Variants in DAB1 observed in about 807,000 individuals in gnomAD.
DAB1 encodes DAB adaptor protein 1.
In DAB1, 15 loss-of-function variants were observed where a neutral mutation model predicts 64.6. The observed-to-expected ratio is 0.23, with a 90% confidence interval of 0.16 to 0.36. The LOEUF is 0.36. Ranked by LOEUF, DAB1 falls within the 10% of genes least tolerant of loss-of-function variation. DAB1 has a pLI of 1.00. For missense variants in DAB1, 596 were observed against 706.7 expected (o/e 0.84, Z 1.78); for synonymous variants, 235 against 251.9 (o/e 0.93, Z 0.64).
At chr1:57,821,097 G>A (rs1652096939), downstream of DAB1, among the ~76,000 whole-genome samples, 1 of 152,004 alleles carries the variant, frequency 6.6e-6, no homozygotes, top group Non-Finnish European at 1.5e-5. Context: ...AGCATTTCTG[G>A]ACAGCTGTTT....
intron 5 of DAB1, among the ~76,000 whole-genome samples, chr1:58,098,762 G>T (rs111530761): frequency 6.6e-6 from 1 of 152,192 alleles, no homozygotes; most frequent in African/African-American, 2.4e-5. Flanking sequence ...GTGAAGCCCC[G>T]GAGAAGGTGG....
chr1:57,331,144 AT>A (rs1234783725), intron 1 of DAB1, among the ~76,000 whole-genome samples: 4 of 151,954 alleles, frequency 2.6e-5, no homozygotes, highest in Non-Finnish European at 5.9e-5. Flanking sequence ...GCTATATTGT[AT>A]TTTTTTTGAC....
At chr1:57,745,008 T>C (rs1648197038) in intron 6 of DAB1, among the ~76,000 whole-genome samples, 2 of 152,206 alleles carry the variant, frequency 1.3e-5, no homozygotes, top group East Asian at 1.9e-4. Flanking sequence ...ATGTCTATTT[T>C]AGCAATATGA....
chr1:57,406,266 G>A (rs182145946), intron 1 of DAB1, among the ~76,000 whole-genome samples: 56 of 152,240 alleles, frequency 3.7e-4, no homozygotes, highest in South Asian at 8.3e-4. Flanking sequence ...AAATCCCAAG[G>A]CACCCTCAAA....
At chr1:58,361,276 A>G (rs1644161568) in intron 3 of DAB1, among the ~76,000 whole-genome samples, 1 of 152,214 alleles carries the variant, frequency 6.6e-6, no homozygotes, top group East Asian at 1.9e-4. Flanking sequence ...GTGTGTGGTT[A>G]GAGAGAAAAG....
At chr1:58,138,815 G>GA (rs1313583791) in intron 5 of DAB1, among the ~76,000 whole-genome samples, 1 of 152,094 alleles carries the variant, frequency 6.6e-6, no homozygotes. Flanking sequence ...AGGGGAGAAA[G>GA]AAAAAGGAAG....
At chr1:57,859,743 G>A (rs1358203526) in intron 1 of DAB1, among the ~76,000 whole-genome samples, 3 of 152,116 alleles carry the variant, frequency 2.0e-5, no homozygotes, top group Non-Finnish European at 4.4e-5. Flanking sequence ...TATATTTCCT[G>A]AAATCAACAG....
chr1:57,361,748 T>G (rs1176581658), intron 1 of DAB1, among the ~76,000 whole-genome samples: 1 of 152,140 alleles, frequency 6.6e-6, no homozygotes, highest in African/African-American at 2.4e-5. Context: ...ATTTCTGGCA[T>G]GAGCAGACTT....
At chr1:57,481,674 A>C (rs1157154608) in intron 7 of DAB1, among the ~76,000 whole-genome samples, 1 of 152,058 alleles carries the variant, frequency 6.6e-6, no homozygotes, top group African/African-American at 2.4e-5. Context: ...AAAATTAGCC[A>C]GGCATGGTGG....
intron 2 of DAB1, among the ~76,000 whole-genome samples, chr1:57,284,290 C>A (rs181807577): frequency 6.6e-6 from 1 of 152,316 alleles, no homozygotes; most frequent in African/African-American, 2.4e-5. Context: ...TCCCAGCTCA[C>A]AGTTCTTTAA....
chr1:57,960,133 T>C (rs1346402486), intron 5 of DAB1, among the ~76,000 whole-genome samples: 1 of 151,874 alleles, frequency 6.6e-6, no homozygotes, highest in Non-Finnish European at 1.5e-5. Context: ...GAGGGAGAGA[T>C]GGTGTTGTCT....
intron 9 of DAB1, among the ~76,000 whole-genome samples, chr1:57,050,436 A>T (rs997078908): frequency 2.0e-5 from 3 of 152,114 alleles, no homozygotes; most frequent in African/African-American, 7.2e-5. Context: ...TGGCATCCTC[A>T]TCTCCTGCTC....
Position 57,804,512 on chromosome 1 carries a change from G to C in DAB1, n.551+79487C>G, listed in dbSNP as rs534231332. On this transcript the variant is annotated intron_variant and non_coding_transcript_variant, in intron 6 of 20. Transcript: ENST00000485760. ...CCTGAACTTCTACCCATTACCATTT[G>C]CAGATACGTGATTTCCCTCTCCAAA... Among the ~76,000 whole-genome samples, 3 of 152,278 alleles carry C rather than the reference G, an allele frequency of 2.0e-5. No individual in the cohort carries two copies. In the South Asian group the frequency reaches 6.2e-4, roughly 32 times the overall value.
At position 58,492,639 on chromosome 1, in the gene DAB1, T is replaced by C. The variant is rs1645718280; in HGVS notation, n.257+13421A>G. On this transcript the variant is annotated intron_variant and non_coding_transcript_variant, in intron 3 of 20. Coordinates refer to the DAB1 transcript ENST00000485760. ...ACCATCAGAGAATACTATAAACACC[T>C]CTACACAAATAAACTAGAAAATCTG... 2.0e-5 allele frequency among the ~76,000 whole-genome samples: 3 copies of C among 152,106 alleles called. No homozygotes were observed. The South Asian group carries it at 6.2e-4, about 32-fold the overall frequency.
intron 5 of DAB1, among the ~76,000 whole-genome samples, chr1:57,907,756 G>A (rs1644574742): frequency 6.6e-6 from 1 of 152,038 alleles, no homozygotes; most frequent in South Asian, 2.1e-4. Context: ...ACAGATTAAA[G>A]TCACGCGTTG....
chr1:57,705,121 C>T (rs1311856315), intron 6 of DAB1, among the ~76,000 whole-genome samples: 2 of 152,112 alleles, frequency 1.3e-5, no homozygotes, highest in African/African-American at 4.8e-5. Flanking sequence ...GTATTCTACT[C>T]ATAGTTGTGG....
At chr1:57,751,211 A>G (rs1245776897) in intron 6 of DAB1, among the ~76,000 whole-genome samples, 3 of 152,160 alleles carry the variant, frequency 2.0e-5, no homozygotes, top group Non-Finnish European at 2.9e-5. Context: ...ATGTGTGGCC[A>G]TCAGATTCCT....
intron 5 of DAB1, among the ~76,000 whole-genome samples, chr1:58,076,649 C>CTAGCA (rs1649667442): frequency 6.6e-6 from 1 of 152,210 alleles, no homozygotes; most frequent in East Asian, 1.9e-4. Context: ...AGATCCAAGT[C>CTAGCA]TTCTCATTCT....
chr1:57,085,928 G>A (rs1653029701), intron 4 of DAB1, among the ~76,000 whole-genome samples: 1 of 152,196 alleles, frequency 6.6e-6, no homozygotes, highest in African/African-American at 2.4e-5. Context: ...AAAAATTAGT[G>A]AGTGTGGGAG....
Sources: allele counts gnomAD v4.1 joint callset (sites outside exome capture counted in the v4.1 genomes callset), GRCh38; gene constraint gnomAD v4.1.1; transcripts MANE v1.5; gene names NCBI Gene and HGNC (gene_info 2026-07-23, HGNC 2026-07-21).